HPGD: variants seen among roughly 807,000 people sequenced by gnomAD.
HPGD encodes 15-hydroxyprostaglandin dehydrogenase [NAD(+)].
HPGD carries 29 observed loss-of-function variants against 30.0 expected under a neutral mutation model. The ratio of observed to expected loss-of-function variants is 0.97; its 90% CI spans 0.72 to 1.32. HPGD has a LOEUF of 1.32. Ranked by LOEUF, HPGD falls within the 40% of genes most tolerant of loss-of-function variation. HPGD has a pLI of 0.00. For missense variants in HPGD, 340 were observed against 322.1 expected (o/e 1.06, Z -0.43); for synonymous variants, 99 against 112.4 (o/e 0.88, Z 0.75).
chr4:174,522,561 T>C (rs1736218701), upstream of HPGD: 2 of 699,984 alleles, frequency 2.9e-6, no homozygotes, highest in Non-Finnish European at 4.4e-6. Context: ...GGCGCTCCCC[T>C]GCCAGTGGGC....
intron 4 of HPGD, among the ~76,000 whole-genome samples, chr4:174,504,442 C>A (rs1735071204): frequency 6.6e-6 from 1 of 152,252 alleles, no homozygotes; most frequent in East Asian, 1.9e-4. Flanking sequence ...ACACCACAGC[C>A]TCACTAACTG....
rs560115283 is a variant in HPGD, at chr4:174,492,676, C to T, written c.662+475G>A. ...TAGTGGTAGAGCCAAGATTTGATCT[C>T]AGGTCTGATTCCTTCAACATGATAA... On this transcript the variant is annotated intron_variant, in intron 6 of 6. Transcript: ENST00000296522. The surrounding 1 kb of genome is among the most constrained non-coding windows in gnomAD (Gnocchi z 4.9). Among the ~76,000 whole-genome samples, 6 of 152,136 alleles carry T rather than the reference C, an allele frequency of 3.9e-5. No homozygotes were observed. The South Asian group carries it at 6.2e-4, about 16-fold the overall frequency.
chr4:174,506,483 TAAG>T (rs1230443054), intron 4 of HPGD, among the ~76,000 whole-genome samples: 11 of 152,238 alleles, frequency 7.2e-5, no homozygotes, highest in Non-Finnish European at 7.3e-5. Flanking sequence ...GTTAAAATTC[TAAG>T]AAGACTTGTA....
rs1357463103 is a variant in HPGD, at chr4:174,492,151, A to T, written c.663-57T>A. 1 of 1,473,096 alleles carries T rather than the reference A, an allele frequency of 6.8e-7. No individual in the cohort carries two copies. Among genetic ancestry groups the T allele is most frequent in the African/African-American group, 1.4e-5 (1 of 72,118 alleles). 91.3% of individuals were successfully genotyped at this position (1,473,096 alleles called of 1,614,324 possible). ...AAAGAATGAGGCATATTACCACTTCATTTTAAGTTATTTTCTGAAGAATCT... is the reference window on the plus strand; with the variant it reads ...AAAGAATGAGGCATATTACCACTTCTTTTTAAGTTATTTTCTGAAGAATCT... On this transcript the variant is annotated intron_variant, in intron 6 of 6. Coordinates refer to ENST00000296522, the MANE Select transcript of HPGD (RefSeq NM_000860.6). This position sits in a 1 kb window ranked among gnomAD's most constrained non-coding sequence, Gnocchi z 4.9.
At chr4:174,508,632 T>G in intron 4 of HPGD, 64 bp downstream of exon 4, 1 of 918,950 alleles carries the variant, frequency 1.1e-6, no homozygotes, top group Non-Finnish European at 1.8e-6. Context: ...GCTTTGAAGA[T>G]TTGTTTTTGT....
At chr4:174,502,514 T>TA (rs1272813195) in intron 4 of HPGD, among the ~76,000 whole-genome samples, 1 of 151,820 alleles carries the variant, frequency 6.6e-6, no homozygotes, top group African/African-American at 2.4e-5. Flanking sequence ...CCGTCTCTAC[T>TA]AAAAATACAA....
At position 174,517,018 on chromosome 4, in the gene HPGD, A is replaced by G. The variant is rs746787074; in HGVS notation, c.324+953T>C. Among the ~76,000 whole-genome samples, 11 of 152,316 alleles carry G rather than the reference A, an allele frequency of 7.2e-5. No individual in the cohort carries two copies. The South Asian group carries it at 8.3e-4, about 11-fold the overall frequency. On this transcript the variant is annotated intron_variant, in intron 3 of 6. Transcript: ENST00000296522. ...ACTCCCTGTACCTTTATACATACAC[A>G]GTGGCCAAATTGTACTCTACAATTA...
At chr4:174,508,032 A>G (rs969274365) in intron 4 of HPGD, 41 of 676,046 alleles carry the variant, frequency 6.1e-5, no homozygotes, top group Non-Finnish European at 1.1e-4. Context: ...GGGGTTCTTA[A>G]AAGAGTAGCC....
chr4:174,496,818 G>T lies in HPGD; in HGVS notation c.422-1194C>A, dbSNP rs900530293. 6.6e-6 allele frequency among the ~76,000 whole-genome samples: 1 copy of T among 152,182 alleles called. No homozygotes were observed. The highest frequency in any genetic ancestry group is 1.9e-4 in the East Asian group (1 of 5,196). ...TAACCACTCCCTGGGTGCCTGCCAG[G>T]TTTCAATTTATAAAGTATGTTTGCA... On this transcript the variant is annotated intron_variant, in intron 4 of 6. Transcript: ENST00000296522. The surrounding 1 kb of genome is among the most constrained non-coding windows in gnomAD (Gnocchi z 4.6).
intron 3 of HPGD, among the ~76,000 whole-genome samples, chr4:174,509,492 G>A (rs1001124417): frequency 6.6e-6 from 1 of 152,190 alleles, no homozygotes; most frequent in Non-Finnish European, 1.5e-5. Context: ...AGCTAGAGAT[G>A]GGAACAGGAT....
upstream of HPGD, chr4:174,522,672 C>G (rs116796476): frequency 8.2e-3 from 3,824 of 464,658 alleles, 26 homozygotes; most frequent in Non-Finnish European, 0.012. Context: ...CTTTGCCTTC[C>G]GGACTCGCAG....
chr4:174,508,768 G>A lies in HPGD; in HGVS notation c.349C>T (p.Leu117Phe). 1.2e-6 allele frequency: 2 copies of A among 1,603,522 alleles called. No homozygotes were observed. Among genetic ancestry groups the A allele is most frequent in the African/African-American group, 2.7e-5 (2 of 74,852 alleles). Reference protein sequence around the residue: ...NLVSVISGTYLGLDYMSKQNG... With the variant: ...NLVSVISGTYFGLDYMSKQNG... ...TGCTTACTCATGTAATCCAAACCAA[G>A]ATAGGTTCCACTGATAACAGAAACC... is the stretch of plus-strand genomic sequence containing the variant. The change falls in exon 4 of 7, where the codon CTT (leucine) becomes TTT (phenylalanine). Residue 117 changes from leucine to phenylalanine, a missense_variant. Coordinates refer to ENST00000296522, the MANE Select transcript of HPGD (RefSeq NM_000860.6).
At chr4:174,515,134 A>G (rs1440391026) in intron 3 of HPGD, among the ~76,000 whole-genome samples, 1 of 152,154 alleles carries the variant, frequency 6.6e-6, no homozygotes, top group Non-Finnish European at 1.5e-5. Context: ...TCAAACTACC[A>G]TCATCATTTC....
intron 3 of HPGD, among the ~76,000 whole-genome samples, chr4:174,516,787 T>C (rs552474308): frequency 2.0e-5 from 3 of 152,346 alleles, no homozygotes; most frequent in Non-Finnish European, 4.4e-5. Flanking sequence ...TGTGAAGAAG[T>C]GTCATCCTCA....
rs757712132 is a variant in HPGD, at chr4:174,492,089, G to A, written c.668C>T (p.Pro223Leu). 1.9e-6 allele frequency: 3 copies of A among 1,610,662 alleles called. No homozygotes were observed. Among genetic ancestry groups the A allele is most frequent in the African/African-American group, 2.7e-5 (2 of 74,824 alleles). Reference protein sequence around the residue: ...MIKYYGILDPPLIANGLITLI... With the variant: ...MIKYYGILDPLLIANGLITLI... ...TGTTATCAATCCATTGGCAATCAAT[G>A]GTGGGCTAAAAATAAAGAAAACAGT... Residue 223 changes from proline (P) to leucine (L), a missense_variant, in exon 7 of 7, where the codon CCA becomes CTA. Pro to Leu is a moderately conservative substitution (Grantham distance 98, BLOSUM62 -3). Transcript: ENST00000296522. The surrounding 1 kb of genome is among the most constrained non-coding windows in gnomAD (Gnocchi z 4.9).
At position 174,490,177 on chromosome 4, in the gene HPGD, C is replaced by T. The variant is rs904984411; in HGVS notation, c.*1779G>A. The T allele has an allele frequency of 3.9e-5, 6 of 152,088 alleles. No homozygotes were observed. The highest frequency in any genetic ancestry group is 1.2e-4 in the African/African-American group (5 of 41,340). 9.4% of individuals were successfully genotyped at this position (152,088 alleles called of 1,614,324 possible). On this transcript the variant is annotated 3_prime_UTR_variant, in exon 7 of 7. Transcript: ENST00000296522. This position sits in a 1 kb window ranked among gnomAD's most constrained non-coding sequence, Gnocchi z 4.4. ...CTGAAAAATACAAGAAACCAAGGTC[C>T]CCCTCCCCTAACTTCAGTTTAATTA...
At chr4:174,501,600 GA>G (rs45612543) in intron 4 of HPGD, among the ~76,000 whole-genome samples, 47 of 150,220 alleles carry the variant, frequency 3.1e-4, no homozygotes, top group Non-Finnish European at 5.9e-4. Context: ...TAAAGTTACA[GA>G]AAAAAAAATC....
chr4:174,511,167 A>G (rs1435164052), intron 3 of HPGD, among the ~76,000 whole-genome samples: 1 of 152,180 alleles, frequency 6.6e-6, no homozygotes, highest in East Asian at 1.9e-4. Flanking sequence ...ACTAATCCCA[A>G]AGAAATGTAT....
intron 1 of HPGD, 79 bp downstream of exon 1, chr4:174,522,280 C>A: frequency 7.0e-7 from 1 of 1,435,308 alleles, no homozygotes; most frequent in Non-Finnish European, 9.6e-7. Context: ...TCCCTGTCTC[C>A]GCCAGTGCAC....
Sources: allele counts gnomAD v4.1 joint callset (sites outside exome capture counted in the v4.1 genomes callset), GRCh38; gene constraint gnomAD v4.1.1; non-coding constraint Gnocchi (gnomAD v3.1); transcripts MANE v1.5; gene names NCBI Gene and HGNC (gene_info 2026-07-23, HGNC 2026-07-21).